The following KCNT2 variants were observed in gnomAD, a reference collection of about 807,000 sequenced individuals.
The protein encoded by KCNT2 is potassium sodium-activated channel subfamily T member 2.
A neutral mutation model predicts 153.8 loss-of-function variants in KCNT2; 67 were observed. The ratio of observed to expected loss-of-function variants is 0.44; its 90% CI spans 0.36 to 0.53. The LOEUF (loss-of-function observed/expected upper bound fraction) is 0.53. Among genes scored for constraint, KCNT2 ranks in the 20% least tolerant of loss-of-function variants. The pLI, the probability that KCNT2 is intolerant of heterozygous loss-of-function variation, is 0.00. For missense variants in KCNT2, 975 were observed against 1,354.8 expected (o/e 0.72, Z 4.40); for synonymous variants, 500 against 458.8 (o/e 1.09, Z -1.15).
At chr1:196,349,705 T>G (rs1170544880) in intron 14 of KCNT2, among the ~76,000 whole-genome samples, 1 of 151,786 alleles carries the variant, frequency 6.6e-6, no homozygotes, top group East Asian at 1.9e-4. Context: ...TTTATTCTTT[T>G]ATTTTTTTAT....
chr1:196,346,025 C>T (rs1216375391), intron 14 of KCNT2, among the ~76,000 whole-genome samples: 1 of 151,964 alleles, frequency 6.6e-6, no homozygotes, highest in Non-Finnish European at 1.5e-5. Flanking sequence ...AAACATTTGG[C>T]ATGTTTATTT....
intron 1 of KCNT2, among the ~76,000 whole-genome samples, chr1:196,494,514 T>C (rs1680098197): frequency 6.6e-6 from 1 of 152,048 alleles, no homozygotes; most frequent in South Asian, 2.1e-4. Flanking sequence ...ATTCTTCTCC[T>C]CAGCCTCTCC....
chr1:196,385,800 C>A (rs1213730271), intron 13 of KCNT2, among the ~76,000 whole-genome samples: 2 of 150,114 alleles, frequency 1.3e-5, no homozygotes, highest in African/African-American at 4.9e-5. Flanking sequence ...TATTTTGGAT[C>A]TGTTTCCTCA....
intron 1 of KCNT2, among the ~76,000 whole-genome samples, chr1:196,569,631 A>C (rs1660526457): frequency 6.6e-6 from 1 of 152,144 alleles, no homozygotes; most frequent in Non-Finnish European, 1.5e-5. Context: ...TTTATGGCAA[A>C]ACAGTGCTGA....
In KCNT2 at chr1:196,564,695, T is replaced by A. The variant is rs942785407; in HGVS notation, c.95+43520A>T. On this transcript the variant is annotated intron_variant, in intron 1 of 27. Coordinates refer to ENST00000294725, the MANE Select transcript of KCNT2 (RefSeq NM_198503.5). Reference sequence around the variant, plus strand: ...AATAGACAGCCTAGAAATAAATAGATACTTTAAAAGTCAATTGATTTTCAG... The same window carrying A: ...AATAGACAGCCTAGAAATAAATAGAAACTTTAAAAGTCAATTGATTTTCAG... 2.0e-5 allele frequency among the ~76,000 whole-genome samples: 3 copies of A among 151,810 alleles called. No individual in the cohort carries two copies. In the East Asian group the frequency reaches 5.8e-4, roughly 29 times the overall value.
At chr1:196,449,159 C>T (rs1675941983) in intron 8 of KCNT2, among the ~76,000 whole-genome samples, 1 of 151,568 alleles carries the variant, frequency 6.6e-6, no homozygotes, top group Admixed American at 6.6e-5. Flanking sequence ...ACCGAGTACT[C>T]TCAATTGTCA....
At chr1:196,268,901 C>T (rs1472801980) in intron 25 of KCNT2, among the ~76,000 whole-genome samples, 1 of 152,112 alleles carries the variant, frequency 6.6e-6, no homozygotes, top group Non-Finnish European at 1.5e-5. Context: ...ATTCTCCACA[C>T]TGCCTCTGTG....
chr1:196,316,292 TA>T (rs888238488), intron 20 of KCNT2, among the ~76,000 whole-genome samples: 1 of 151,744 alleles, frequency 6.6e-6, no homozygotes, highest in Non-Finnish European at 1.5e-5. Context: ...TAATAATTTT[TA>T]TTAATTATAT....
At chr1:196,341,072 A>G (rs1237308087) in intron 15 of KCNT2, among the ~76,000 whole-genome samples, 1 of 151,460 alleles carries the variant, frequency 6.6e-6, no homozygotes, top group African/African-American at 2.4e-5. Flanking sequence ...CTTAGTCAGA[A>G]AAAAAAAGTA....
intron 1 of KCNT2, among the ~76,000 whole-genome samples, chr1:196,537,801 A>G (rs897235499): frequency 3.3e-5 from 5 of 152,258 alleles, no homozygotes; most frequent in East Asian, 1.9e-4. Context: ...AAATGTATCC[A>G]TATCTGTGAG....
At chr1:196,237,343 T>G (rs536936118) in intron 26 of KCNT2, among the ~76,000 whole-genome samples, 89 of 151,768 alleles carry the variant, frequency 5.9e-4, no homozygotes, top group Admixed American at 2.6e-3. Context: ...AAAACAAAAA[T>G]CCTTATCTTT....
In KCNT2 at chr1:196,226,924, T is replaced by G. The variant is rs1037627572; in HGVS notation, c.*1300A>C. Reference sequence around the variant, plus strand: ...TTTTACAGGAACATTTTAACACACTTCTACTACCTGGTAAACTATGTACGC... The same window carrying G: ...TTTTACAGGAACATTTTAACACACTGCTACTACCTGGTAAACTATGTACGC... On this transcript the variant is annotated 3_prime_UTR_variant, in exon 28 of 28. Transcript: ENST00000294725. The G allele has an allele frequency of 3.3e-5, 5 of 151,986 alleles. No individual in the cohort carries two copies. The highest frequency in any genetic ancestry group is 1.2e-4 in the African/African-American group (5 of 41,432). The allele number at this position is 151,986 out of a possible 1,614,324, so 9.4% of individuals were successfully genotyped here. A position where few individuals can be genotyped will look rare whatever the true frequency, so the allele number is the denominator to read the frequency against.
chr1:196,443,493 G>A (rs1675423311), intron 8 of KCNT2, among the ~76,000 whole-genome samples: 1 of 151,436 alleles, frequency 6.6e-6, no homozygotes, highest in African/African-American at 2.4e-5. Context: ...TATTTTGTAA[G>A]ATCAAACAGG....
intron 22 of KCNT2, among the ~76,000 whole-genome samples, chr1:196,291,396 A>T (rs550482761): frequency 9.2e-5 from 14 of 152,096 alleles, no homozygotes; most frequent in African/African-American, 2.9e-4. Context: ...CTTTAAAGTT[A>T]TGTAAAAAGT....
At chr1:196,527,131 A>G (rs1558042867) in intron 1 of KCNT2, among the ~76,000 whole-genome samples, 2 of 152,184 alleles carry the variant, frequency 1.3e-5, no homozygotes. Flanking sequence ...GTCTATGGGA[A>G]AACTGTCTTC....
intron 8 of KCNT2, among the ~76,000 whole-genome samples, chr1:196,448,146 C>G (rs1675855148): frequency 6.6e-6 from 1 of 151,562 alleles, no homozygotes; most frequent in South Asian, 2.1e-4. Flanking sequence ...AGAGCATGGT[C>G]AGAGAAACCC....
intron 16 of KCNT2, among the ~76,000 whole-genome samples, chr1:196,336,032 ACCCTG>A (rs2148128851): frequency 6.6e-6 from 1 of 152,178 alleles, no homozygotes; most frequent in South Asian, 2.1e-4. Context: ...ACAAAATAGA[ACCCTG>A]CTTAAGTTAA....
At chr1:196,380,162 T>C (rs1451081477) in intron 13 of KCNT2, among the ~76,000 whole-genome samples, 1 of 152,144 alleles carries the variant, frequency 6.6e-6, no homozygotes, top group African/African-American at 2.4e-5. Context: ...GAAAATAGTG[T>C]GTAAAGATAA....
intron 22 of KCNT2, among the ~76,000 whole-genome samples, chr1:196,291,851 A>C (rs1571929393): frequency 6.6e-6 from 1 of 152,210 alleles, no homozygotes; most frequent in South Asian, 2.1e-4. Flanking sequence ...ACTAATTTAC[A>C]TTCCTTACTT....
Sources: gnomAD v4.1 joint callset for allele counts (sites outside exome capture counted in the v4.1 genomes callset) on GRCh38, gnomAD v4.1.1 for gene constraint, MANE v1.5 for transcripts, NCBI Gene and HGNC (gene_info 2026-07-23, HGNC 2026-07-21) for gene names.